CDYL2: variants seen among roughly 807,000 people sequenced by gnomAD.
CDYL2 encodes the protein chromodomain Y-like protein 2.
A neutral mutation model predicts 49.4 loss-of-function variants in CDYL2; 23 were observed. The ratio of observed to expected loss-of-function variants is 0.47; its 90% confidence interval spans 0.34 to 0.66. CDYL2 has a LOEUF of 0.66. Among genes scored for constraint, CDYL2 ranks in the 30% least tolerant of loss-of-function variants. The pLI is 0.01. For missense variants in CDYL2, 678 were observed against 656.4 expected (o/e 1.03, Z -0.36); for synonymous variants, 360 against 268.8 (o/e 1.34, Z -3.32).
Position 80,611,261 on chromosome 16 carries a change from G to A in CDYL2, c.1218+1365C>T, listed in dbSNP as rs894454055. On this transcript the variant is annotated intron_variant, in intron 5 of 6. Transcript: ENST00000570137. The stretch of plus-strand genomic sequence containing the variant: ...GGGTGTGGCGAGCCGGGCACTTAGT[G>A]GATTTGCAGTATTTGAAGAAAGGGA... Among the ~76,000 whole-genome samples the A allele has an allele frequency of 3.3e-5, 5 of 152,154 alleles. No homozygotes were observed. The South Asian group carries it at 8.3e-4, about 25-fold the overall frequency.
At chr16:80,802,835 T>C (rs1430506149) in intron 1 of CDYL2, among the ~76,000 whole-genome samples, 1 of 152,216 alleles carries the variant, frequency 6.6e-6, no homozygotes, top group African/African-American at 2.4e-5. Flanking sequence ...AAGAGCTTCT[T>C]AGGAATCACC....
At chr16:80,716,789 A>T (rs1055574505) in intron 1 of CDYL2, among the ~76,000 whole-genome samples, 1 of 151,814 alleles carries the variant, frequency 6.6e-6, no homozygotes, top group Non-Finnish European at 1.5e-5. Context: ...GACTGGATGG[A>T]TGATAATGGA....
intron 1 of CDYL2, among the ~76,000 whole-genome samples, chr16:80,791,585 T>G (rs1907609277): frequency 6.6e-6 from 1 of 152,136 alleles, no homozygotes. Flanking sequence ...GAATAACACA[T>G]AAGCTGAGAT....
chr16:80,679,581 T>C (rs1307941284), intron 2 of CDYL2, among the ~76,000 whole-genome samples: 2 of 152,354 alleles, frequency 1.3e-5, no homozygotes, highest in South Asian at 2.1e-4. Context: ...ACAAGGTACT[T>C]TGGAAACTCC....
At chr16:80,647,472 A>G (rs35599966) in intron 2 of CDYL2, among the ~76,000 whole-genome samples, 19 of 152,182 alleles carry the variant, frequency 1.2e-4, no homozygotes, top group Non-Finnish European at 2.5e-4. Flanking sequence ...AGCTATCTTT[A>G]TATCTTCAGC....
At chr16:80,638,950 CA>C (rs1453349973) in intron 2 of CDYL2, among the ~76,000 whole-genome samples, 1 of 152,068 alleles carries the variant, frequency 6.6e-6, no homozygotes, top group Non-Finnish European at 1.5e-5. Flanking sequence ...ACACTAAAAA[CA>C]TGATCCGTGA....
At chr16:80,738,619 A>C (rs1309598684) in intron 1 of CDYL2, 1 of 152,260 alleles carries the variant, frequency 6.6e-6, no homozygotes, top group Non-Finnish European at 1.5e-5. Context: ...GGACACAAGA[A>C]TAGGCGGGTG....
At chr16:80,719,435 G>C (rs544853871) in intron 1 of CDYL2, among the ~76,000 whole-genome samples, 1 of 123,502 alleles carries the variant, frequency 8.1e-6, no homozygotes, top group South Asian at 2.7e-4. Context: ...CACAAGCCAG[G>C]ATCATCATGA....
At chr16:80,605,512 G>C (rs1906292543) in intron 6 of CDYL2, among the ~76,000 whole-genome samples, 1 of 149,386 alleles carries the variant, frequency 6.7e-6, no homozygotes, top group Non-Finnish European at 1.5e-5. Context: ...TCACAACAAA[G>C]AGCAATAATC....
At chr16:80,803,559 G>C (rs1001005600) in intron 1 of CDYL2, among the ~76,000 whole-genome samples, 1 of 151,452 alleles carries the variant, frequency 6.6e-6, no homozygotes, top group African/African-American at 2.4e-5. Context: ...GGGACCCCGG[G>C]GAGCGGTTTG....
chr16:80,605,443 G>A (rs1906287826), intron 6 of CDYL2, among the ~76,000 whole-genome samples: 1 of 148,156 alleles, frequency 6.7e-6, no homozygotes, highest in Admixed American at 6.8e-5. Context: ...ATCCCACAGT[G>A]TTACTATGAT....
Position 80,804,583 on chromosome 16 carries a change from G to A in CDYL2, c.-410C>T, listed in dbSNP as rs1391153795. ...GCCGCCCGGCGCCCGCCGCCGGCCC[G>A]GACGCTGCTGCCACTGGGCGAGTCC... On this transcript the variant is annotated 5_prime_UTR_variant, in exon 1 of 7. Transcript: ENST00000570137. Among the ~76,000 whole-genome samples the A allele has an allele frequency of 1.4e-5, 2 of 145,324 alleles. No homozygotes were observed. The highest frequency in any genetic ancestry group is 2.5e-5 in the African/African-American group (1 of 40,634).
At chr16:80,639,183 C>G (rs9923568) in intron 2 of CDYL2, among the ~76,000 whole-genome samples, 8,956 of 152,154 alleles carry the variant, frequency 0.059, 812 homozygotes, top group African/African-American at 0.2. Context: ...TAGCTAACAT[C>G]CAAAAACCCA....
At chr16:80,699,536 G>C (rs1287850271) in intron 1 of CDYL2, among the ~76,000 whole-genome samples, 2 of 152,116 alleles carry the variant, frequency 1.3e-5, no homozygotes, top group Admixed American at 6.5e-5. Context: ...AGAGGATAGG[G>C]AGAGGTTAGT....
chr16:80,759,097 ATATAC>A (rs1159721541), intron 1 of CDYL2, among the ~76,000 whole-genome samples: 6 of 53,650 alleles, frequency 1.1e-4, no homozygotes, highest in Non-Finnish European at 1.5e-4. Context: ...TCTACAAACC[ATATAC>A]TATATATATA....
At chr16:80,703,180 T>C (rs901316591) in intron 1 of CDYL2, among the ~76,000 whole-genome samples, 2 of 152,214 alleles carry the variant, frequency 1.3e-5, no homozygotes, top group African/African-American at 4.8e-5. Context: ...ACAAGAATGT[T>C]ATCTCCAGGG....
rs137900397 is a variant in CDYL2, at chr16:80,780,475, G to A, written c.24+23675C>T. On this transcript the variant is annotated intron_variant, in intron 1 of 6. Coordinates refer to ENST00000570137, the MANE Select transcript of CDYL2 (RefSeq NM_152342.4). ...GCTGGAGTGCAGTGGCACCAACTCG[G>A]CTCACTGCAAGCTCCGCCTCCCAGG... is the stretch of plus-strand genomic sequence containing the variant. Among the ~76,000 whole-genome samples the A allele has an allele frequency of 5.4e-3, 795 of 148,126 alleles. 10 individuals carry two copies. The highest frequency in any genetic ancestry group is 0.019 in the African/African-American group (762 of 39,886).
intron 1 of CDYL2, among the ~76,000 whole-genome samples, chr16:80,702,842 G>A (rs1019722600): frequency 1.3e-5 from 2 of 152,204 alleles, no homozygotes; most frequent in Admixed American, 1.3e-4. Context: ...CTGCACGCCA[G>A]AAATGTGGGT....
At chr16:80,653,945 T>C (rs116374804) in intron 2 of CDYL2, among the ~76,000 whole-genome samples, 2,543 of 151,886 alleles carry the variant, frequency 0.017, 58 homozygotes, top group African/African-American at 0.039. Context: ...ACCCCAGGAG[T>C]CACTGTGGTG....
Sources: gnomAD v4.1 joint callset for allele counts (sites outside exome capture counted in the v4.1 genomes callset) on GRCh38, gnomAD v4.1.1 for gene constraint, MANE v1.5 for transcripts, NCBI Gene and HGNC (gene_info 2026-07-23, HGNC 2026-07-21) for gene names.